The following KCNT2 variants were observed in gnomAD, a reference collection of about 807,000 sequenced individuals.
The protein encoded by KCNT2 is potassium sodium-activated channel subfamily T member 2.
In KCNT2, 67 loss-of-function variants were observed where a neutral mutation model predicts 153.8. That is an observed-to-expected ratio of 0.44 (90% CI 0.36 to 0.53). KCNT2 has a LOEUF of 0.53. Among genes scored for constraint, KCNT2 ranks in the 20% least tolerant of loss-of-function variants. The pLI is 0.00. For synonymous variants in KCNT2, 500 were observed against 458.8 expected (o/e 1.09, Z -1.15); for missense variants, 975 against 1,354.8 (o/e 0.72, Z 4.40).
intron 8 of KCNT2, among the ~76,000 whole-genome samples, chr1:196,461,398 C>T (rs922161577): frequency 1.3e-5 from 2 of 151,376 alleles, no homozygotes; most frequent in Admixed American, 1.3e-4. Context: ...TAACATTGAA[C>T]TAAAACAGGA....
chr1:196,330,044 C>T (rs1314408148), intron 18 of KCNT2, among the ~76,000 whole-genome samples: 1 of 137,144 alleles, frequency 7.3e-6, no homozygotes, highest in African/African-American at 2.8e-5. Flanking sequence ...TGAATGAAAG[C>T]AATATATATA....
At chr1:196,412,124 C>T (rs1367150315) in intron 12 of KCNT2, among the ~76,000 whole-genome samples, 1 of 151,688 alleles carries the variant, frequency 6.6e-6, no homozygotes, top group Non-Finnish European at 1.5e-5. Flanking sequence ...TAATCTTAAA[C>T]AATTTTTAAT....
chr1:196,320,286 CT>C (rs907678473), intron 19 of KCNT2, among the ~76,000 whole-genome samples: 6 of 151,778 alleles, frequency 4.0e-5, no homozygotes, highest in Non-Finnish European at 1.5e-5. Flanking sequence ...CTTCATGTAT[CT>C]ATTCACTCAG....
intron 26 of KCNT2, among the ~76,000 whole-genome samples, chr1:196,244,348 C>T (rs757142599): frequency 6.6e-6 from 1 of 151,912 alleles, no homozygotes; most frequent in East Asian, 1.9e-4. Context: ...GTCTTGCAGC[C>T]CCAGGTACCA....
At chr1:196,451,968 T>A (rs1040531421) in intron 8 of KCNT2, among the ~76,000 whole-genome samples, 6 of 151,942 alleles carry the variant, frequency 3.9e-5, no homozygotes, top group Non-Finnish European at 7.4e-5. Flanking sequence ...ATAATTTAGT[T>A]CTTTTTTTCA....
At chr1:196,382,082 A>AATTTATTGATTTATTTATTT (rs1669543540) in intron 13 of KCNT2, among the ~76,000 whole-genome samples, 1 of 143,188 alleles carries the variant, frequency 7.0e-6, no homozygotes, top group African/African-American at 2.6e-5. Context: ...TGTTTAACCA[A>AATTTATTGATTTATTTATTT]ATTTATTTAT....
At chr1:196,569,906 A>T (rs1203008548) in intron 1 of KCNT2, among the ~76,000 whole-genome samples, 2 of 152,078 alleles carry the variant, frequency 1.3e-5, no homozygotes, top group Non-Finnish European at 2.9e-5. Context: ...TTTGATTATG[A>T]GGTAGATAAA....
intron 13 of KCNT2, among the ~76,000 whole-genome samples, chr1:196,395,085 A>G (rs1049535530): frequency 6.6e-6 from 1 of 151,342 alleles, no homozygotes; most frequent in Admixed American, 6.6e-5. Flanking sequence ...CTCTTTTAAC[A>G]TAATGATCTA....
At chr1:196,368,356 G>A (rs1668216607) in intron 14 of KCNT2, among the ~76,000 whole-genome samples, 2 of 151,960 alleles carry the variant, frequency 1.3e-5, no homozygotes, top group Non-Finnish European at 2.9e-5. Context: ...AACATTAAAA[G>A]CAAACAAAAA....
chr1:196,551,901 A>T (rs1393017294), intron 1 of KCNT2, among the ~76,000 whole-genome samples: 1 of 151,614 alleles, frequency 6.6e-6, no homozygotes, highest in Non-Finnish European at 1.5e-5. Flanking sequence ...TGGTTGGTAT[A>T]CTTGAATTGT....
chr1:196,241,665 C>G (rs545382805), intron 26 of KCNT2, among the ~76,000 whole-genome samples: 89 of 152,102 alleles, frequency 5.9e-4, no homozygotes, highest in Admixed American at 2.6e-3. Flanking sequence ...GTGTATTCAA[C>G]ATCATATGAA....
intron 1 of KCNT2, among the ~76,000 whole-genome samples, chr1:196,590,075 G>A (rs1271322823): frequency 1.3e-5 from 2 of 152,026 alleles, no homozygotes; most frequent in Non-Finnish European, 2.9e-5. Flanking sequence ...TAACAAAACT[G>A]CACTTGTATC....
intron 1 of KCNT2, among the ~76,000 whole-genome samples, chr1:196,504,364 T>G (rs563713437): frequency 6.6e-6 from 1 of 152,078 alleles, no homozygotes; most frequent in South Asian, 2.1e-4. Flanking sequence ...GATAGTTTAC[T>G]GAGAATCATG....
chr1:196,265,150 A>G (rs1657417539), intron 25 of KCNT2, among the ~76,000 whole-genome samples: 1 of 152,178 alleles, frequency 6.6e-6, no homozygotes, highest in African/African-American at 2.4e-5. Flanking sequence ...TATCCCATCT[A>G]TGAAAGGTAG....
chr1:196,590,454 C>A (rs1005303452), intron 1 of KCNT2, among the ~76,000 whole-genome samples: 2 of 152,154 alleles, frequency 1.3e-5, no homozygotes, highest in African/African-American at 4.8e-5. Flanking sequence ...ATGGTCACTG[C>A]AATGGAGGAC....
At chr1:196,571,253 T>C (rs1484318928) in intron 1 of KCNT2, among the ~76,000 whole-genome samples, 1 of 152,066 alleles carries the variant, frequency 6.6e-6, no homozygotes, top group Non-Finnish European at 1.5e-5. Flanking sequence ...AAAAAAATGC[T>C]TAGGGGTCCA....
At chr1:196,588,351 G>C (rs1168653081) in intron 1 of KCNT2, among the ~76,000 whole-genome samples, 6 of 151,808 alleles carry the variant, frequency 4.0e-5, no homozygotes, top group African/African-American at 1.4e-4. Context: ...CAAATGTGAT[G>C]ATTTACTTAA....
chr1:196,544,569 T>TTTA (rs1656822421), intron 1 of KCNT2, among the ~76,000 whole-genome samples: 1 of 152,112 alleles, frequency 6.6e-6, no homozygotes, highest in African/African-American at 2.4e-5. Context: ...TACTCGTAAA[T>TTTA]GGGATTGCAT....
At chr1:196,549,824 T>C (rs1296734331) in intron 1 of KCNT2, among the ~76,000 whole-genome samples, 1 of 151,876 alleles carries the variant, frequency 6.6e-6, no homozygotes, top group Non-Finnish European at 1.5e-5. Context: ...GAGGCTAAAC[T>C]AAACAGCAAG....
Sources: allele counts gnomAD v4.1 joint callset (sites outside exome capture counted in the v4.1 genomes callset), GRCh38; gene constraint gnomAD v4.1.1; transcripts MANE v1.5; gene names NCBI Gene and HGNC (gene_info 2026-07-23, HGNC 2026-07-21).